The following CSNK1G1 variants were observed in gnomAD, a reference collection of about 807,000 sequenced individuals.
CSNK1G1 encodes the protein casein kinase I isoform gamma-1.
Under a neutral mutation model 59.6 loss-of-function variants are expected in CSNK1G1, and 22 were observed. The observed-to-expected ratio is 0.37, with a 90% CI of 0.26 to 0.53. CSNK1G1 has a LOEUF of 0.53. Ranked by LOEUF, CSNK1G1 falls within the 20% of genes least tolerant of loss-of-function variation. The pLI, the probability that CSNK1G1 is intolerant of heterozygous loss-of-function variation, is 0.89. For synonymous variants in CSNK1G1, 179 were observed against 177.1 expected (o/e 1.01, Z -0.08); for missense variants, 384 against 519.5 (o/e 0.74, Z 2.54).
Position 64,188,617 on chromosome 15 carries a change from CA to C in CSNK1G1, c.1108-8164del. 1.5e-6 allele frequency: 1 copy of C among 666,828 alleles called. No individual in the cohort carries two copies. The highest frequency in any genetic ancestry group is 2.6e-6 in the Non-Finnish European group (1 of 388,418). The allele number at this position is 666,828 out of a possible 1,614,324, so 41.3% of individuals were successfully genotyped here. A position where few individuals can be genotyped will look rare whatever the true frequency, so the allele number is the denominator to read the frequency against. On this transcript the variant is annotated intron_variant, in intron 10 of 11. Coordinates refer to ENST00000303052, the MANE Select transcript of CSNK1G1 (RefSeq NM_022048.5). The surrounding 1 kb of genome is among the most constrained non-coding windows in gnomAD (Gnocchi z 4.2). The stretch of plus-strand genomic sequence containing the variant: ...CGGTTTTGGATTTTAAACTAACAAC[CA>C]CTGGAAAGCAGTGAGGAAAAGTAAG...
chr15:64,309,544 G>A (rs183197022), intron 1 of CSNK1G1, among the ~76,000 whole-genome samples: 7 of 152,216 alleles, frequency 4.6e-5, no homozygotes, highest in East Asian at 3.9e-4. Flanking sequence ...AACCTTCACC[G>A]AGCTACTAGA....
At position 64,200,589 on chromosome 15, in the gene CSNK1G1, A is replaced by C. The variant is rs1218321994; in HGVS notation, c.1107+2493T>G. ...TCGAACTCCTGACCTCAGGTGATCG[A>C]CCCGCCTCGGCCTCCCAAAGTGCTG... On this transcript the variant is annotated intron_variant, in intron 10 of 11. Transcript: ENST00000303052. The surrounding 1 kb of genome is among the most constrained non-coding windows in gnomAD (Gnocchi z 4.3). Among the ~76,000 whole-genome samples, 1 of 151,726 alleles carries C rather than the reference A, an allele frequency of 6.6e-6. No homozygotes were observed. Among genetic ancestry groups the C allele is most frequent in the Non-Finnish European group, 1.5e-5 (1 of 67,890 alleles).
chr15:64,293,216 T>A (rs1894837044), intron 2 of CSNK1G1, among the ~76,000 whole-genome samples: 1 of 152,160 alleles, frequency 6.6e-6, no homozygotes, highest in Non-Finnish European at 1.5e-5. Flanking sequence ...TCCATCAATT[T>A]TCCCTTCTGT....
chr15:64,313,968 A>ACAG (rs1436034563), intron 1 of CSNK1G1, among the ~76,000 whole-genome samples: 6 of 152,194 alleles, frequency 3.9e-5, no homozygotes, highest in Admixed American at 6.5e-5. Context: ...CTTGACATAT[A>ACAG]CAGCTCCTCT....
chr15:64,210,004 T>A lies in CSNK1G1; in HGVS notation c.680-2410A>T, dbSNP rs1047791926. Among the ~76,000 whole-genome samples, 1 of 152,144 alleles carries A rather than the reference T, an allele frequency of 6.6e-6. No individual in the cohort carries two copies. The highest frequency in any genetic ancestry group is 6.6e-5 in the Admixed American group (1 of 15,266). Reference sequence around the variant, plus strand: ...ATAAATTATGAGATTAATATATTTTTAAAACTCACTGGAATAAGTAATAAA... The same window carrying A: ...ATAAATTATGAGATTAATATATTTTAAAAACTCACTGGAATAAGTAATAAA... On this transcript the variant is annotated intron_variant, in intron 6 of 11. Transcript: ENST00000303052. This position sits in a 1 kb window ranked among gnomAD's most constrained non-coding sequence, Gnocchi z 4.2.
intron 1 of CSNK1G1, among the ~76,000 whole-genome samples, chr15:64,305,263 G>T (rs1895611537): frequency 6.6e-6 from 1 of 152,022 alleles, no homozygotes; most frequent in African/African-American, 2.4e-5. Flanking sequence ...CCCAGAATAA[G>T]TATTTAGCAA....
At chr15:64,264,023 T>C (rs1183894359) in intron 2 of CSNK1G1, among the ~76,000 whole-genome samples, 1 of 152,138 alleles carries the variant, frequency 6.6e-6, no homozygotes, top group East Asian at 1.9e-4. Context: ...GTATCTGACA[T>C]TCAGTAGGTA....
chr15:64,326,487 TACA>T (rs1884462423), intron 1 of CSNK1G1, among the ~76,000 whole-genome samples: 2 of 152,004 alleles, frequency 1.3e-5, no homozygotes, highest in African/African-American at 4.8e-5. Context: ...CTACTAAAAA[TACA>T]ACAATTAGCC....
chr15:64,200,446 A>C lies in CSNK1G1; in HGVS notation c.1107+2636T>G, dbSNP rs1279844499. Among the ~76,000 whole-genome samples the C allele has an allele frequency of 1.3e-5, 2 of 152,018 alleles. No homozygotes were observed. The highest frequency in any genetic ancestry group is 4.8e-5 in the African/African-American group (2 of 41,394). On this transcript the variant is annotated intron_variant, in intron 10 of 11. Transcript: ENST00000303052. The surrounding 1 kb of genome is among the most constrained non-coding windows in gnomAD (Gnocchi z 4.3). Reference sequence around the variant, plus strand: ...CTGCAACCTCCACCTCCCAGGTTCAAGTGACTCTCCTGCCTCAGCCTCCTG... The same window carrying C: ...CTGCAACCTCCACCTCCCAGGTTCACGTGACTCTCCTGCCTCAGCCTCCTG...
At chr15:64,213,533 T>C (rs1439354626) in intron 6 of CSNK1G1, among the ~76,000 whole-genome samples, 1 of 152,210 alleles carries the variant, frequency 6.6e-6, no homozygotes, top group Non-Finnish European at 1.5e-5. Flanking sequence ...TCCCCACCGC[T>C]GACCCAGCCT....
chr15:64,255,780 T>C (rs1892341919), intron 3 of CSNK1G1, among the ~76,000 whole-genome samples: 1 of 152,212 alleles, frequency 6.6e-6, no homozygotes, highest in African/African-American at 2.4e-5. Context: ...ATCAAAGAAT[T>C]CAGAAGTTTC....
chr15:64,355,353 C>T (rs1898589551), intron 1 of CSNK1G1, among the ~76,000 whole-genome samples: 1 of 152,206 alleles, frequency 6.6e-6, no homozygotes, highest in African/African-American at 2.4e-5. Flanking sequence ...GGGCAACAAA[C>T]CCAGTTCCAC....
rs1459373274 is a variant in CSNK1G1 at position 64,168,485 on chromosome 15, A to G, written c.*3446T>C. 6.6e-6 allele frequency: 1 copy of G among 152,288 alleles called. No homozygotes were observed. The highest frequency in any genetic ancestry group is 2.4e-5 in the African/African-American group (1 of 41,454). The allele number at this position is 152,288 out of a possible 1,614,324, so 9.4% of individuals were successfully genotyped here. A position where few individuals can be genotyped will look rare whatever the true frequency, so the allele number is the denominator to read the frequency against. ...GTGGAGTCTTGGCCTGTGTGCCTCA[A>G]ATCTGTTTAGGATGCAATGTCTGAG... On this transcript the variant is annotated 3_prime_UTR_variant, in exon 12 of 12. Transcript: ENST00000303052.
At chr15:64,258,841 A>T (rs1296107591) in intron 3 of CSNK1G1, among the ~76,000 whole-genome samples, 1 of 152,160 alleles carries the variant, frequency 6.6e-6, no homozygotes, top group African/African-American at 2.4e-5. Context: ...TACAAAAAAT[A>T]AATCAGTTAA....
intron 6 of CSNK1G1, among the ~76,000 whole-genome samples, chr15:64,209,329 G>A (rs917934290): frequency 6.6e-6 from 1 of 152,194 alleles, no homozygotes; most frequent in African/African-American, 2.4e-5. Context: ...AAGAGAGCCA[G>A]AGAAAGCCAC....
chr15:64,335,785 T>C (rs1411570990), intron 1 of CSNK1G1: 4 of 152,214 alleles, frequency 2.6e-5, no homozygotes, highest in African/African-American at 9.7e-5. Flanking sequence ...ACATCCTCAC[T>C]TGAGTTCTCT....
chr15:64,312,090 G>A (rs1185899318), intron 1 of CSNK1G1, among the ~76,000 whole-genome samples: 1 of 152,160 alleles, frequency 6.6e-6, no homozygotes, highest in Non-Finnish European at 1.5e-5. Context: ...ACAAACCACT[G>A]CTCAAGGAAA....
chr15:64,277,744 T>C (rs1452208323), intron 2 of CSNK1G1, among the ~76,000 whole-genome samples: 1 of 69,166 alleles, frequency 1.4e-5, no homozygotes, highest in Non-Finnish European at 2.8e-5. Context: ...TTAATATTGA[T>C]ATATTTAATA....
chr15:64,322,460 C>T (rs369326651), intron 1 of CSNK1G1, among the ~76,000 whole-genome samples: 7 of 152,020 alleles, frequency 4.6e-5, no homozygotes, highest in African/African-American at 1.2e-4. Context: ...GCCTTGACTT[C>T]CCAAAGTGCT....
Sources: gnomAD v4.1 joint callset for allele counts (sites outside exome capture counted in the v4.1 genomes callset) on GRCh38, gnomAD v4.1.1 for gene constraint, Gnocchi (gnomAD v3.1) non-coding constraint, MANE v1.5 for transcripts, NCBI Gene and HGNC (gene_info 2026-07-23, HGNC 2026-07-21) for gene names.